CA10: variants seen among roughly 807,000 people sequenced by gnomAD.
CA10 encodes carbonic anhydrase 10 (inactive).
A neutral mutation model predicts 44.2 loss-of-function variants in CA10; 14 were observed. That is an observed-to-expected ratio of 0.32 (90% CI 0.21 to 0.50). The LOEUF is 0.50. CA10 is among the 20% of genes least tolerant of loss of function. CA10 has a pLI of 0.99. For synonymous variants in CA10, 159 were observed against 141.6 expected (o/e 1.12, Z -0.87); for missense variants, 350 against 409.7 (o/e 0.85, Z 1.26).
At chr17:52,030,448 T>C (rs977452849) in intron 2 of CA10, among the ~76,000 whole-genome samples, 1 of 152,136 alleles carries the variant, frequency 6.6e-6, no homozygotes, top group African/African-American at 2.4e-5. Context: ...TTTAGTCCTG[T>C]GGGAATTGAA....
intron 4 of CA10, among the ~76,000 whole-genome samples, chr17:51,701,655 C>T (rs1915607259): frequency 6.6e-6 from 1 of 152,140 alleles, no homozygotes; most frequent in Non-Finnish European, 1.5e-5. Context: ...ATGAAAGTCT[C>T]ATAATAGTTA....
chr17:51,994,613 T>A lies in CA10; in HGVS notation c.137-63481A>T, dbSNP rs138092193. 2.6e-5 allele frequency among the ~76,000 whole-genome samples: 4 copies of A among 152,058 alleles called. No homozygotes were observed. The East Asian group carries it at 7.8e-4, about 30-fold the overall frequency. On this transcript the variant is annotated intron_variant, in intron 2 of 8. Transcript: ENST00000451037. ...TGGAAGTCCAGAAACTTCTCATCAA[T>A]GCTACAGAGATCTGGACTTGAGTAT...
At chr17:51,885,109 C>T (rs1375251829) in intron 3 of CA10, among the ~76,000 whole-genome samples, 2 of 152,208 alleles carry the variant, frequency 1.3e-5, no homozygotes, top group South Asian at 2.1e-4. Flanking sequence ...AATTCAACCC[C>T]TAGCACCATA....
intron 1 of CA10, among the ~76,000 whole-genome samples, chr17:52,137,297 C>T (rs1295430386): frequency 6.6e-6 from 1 of 152,042 alleles, no homozygotes; most frequent in African/African-American, 2.4e-5. Flanking sequence ...TCCATTTCTC[C>T]AGGGTTGATG....
chr17:51,647,091 G>A (rs971329631), intron 6 of CA10, among the ~76,000 whole-genome samples: 2 of 152,080 alleles, frequency 1.3e-5, no homozygotes, highest in Non-Finnish European at 2.9e-5. Context: ...TCTTCTATTT[G>A]CATTTCTAGG....
chr17:52,118,214 C>T (rs2143306586), intron 1 of CA10, among the ~76,000 whole-genome samples: 1 of 152,230 alleles, frequency 6.6e-6, no homozygotes, highest in East Asian at 1.9e-4. Context: ...TAAAATTTGG[C>T]TTTCTCTCCC....
At chr17:51,783,879 G>A (rs1356503314) in intron 3 of CA10, among the ~76,000 whole-genome samples, 2 of 152,090 alleles carry the variant, frequency 1.3e-5, no homozygotes, top group Admixed American at 6.5e-5. Context: ...TGAGCAGACA[G>A]CACAGCAGTT....
intron 2 of CA10, among the ~76,000 whole-genome samples, chr17:51,965,907 G>T (rs1984061752): frequency 6.6e-6 from 1 of 151,952 alleles, no homozygotes; most frequent in South Asian, 2.1e-4. Context: ...ATCCAAATAG[G>T]AAGAAAGGAA....
chr17:52,085,364 C>T (rs541799134), intron 1 of CA10, among the ~76,000 whole-genome samples: 3 of 152,222 alleles, frequency 2.0e-5, no homozygotes, highest in Non-Finnish European at 4.4e-5. Flanking sequence ...TTCCTGTTTA[C>T]AGCAGCACTG....
intron 4 of CA10, 103 bp from the exon 5 acceptor site, chr17:51,653,839 G>T: frequency 1.5e-6 from 1 of 684,348 alleles, no homozygotes; most frequent in East Asian, 2.7e-5. Context: ...AGTATATTGA[G>T]GAACAATTTG....
chr17:51,819,739 G>A (rs753186068), intron 3 of CA10, among the ~76,000 whole-genome samples: 2 of 152,142 alleles, frequency 1.3e-5, no homozygotes, highest in Non-Finnish European at 2.9e-5. Flanking sequence ...TTCCAGCTGG[G>A]CCAGAGCCTA....
At chr17:51,896,452 A>C (rs1452887937) in intron 3 of CA10, among the ~76,000 whole-genome samples, 5 of 152,148 alleles carry the variant, frequency 3.3e-5, no homozygotes, top group Admixed American at 2.6e-4. Context: ...ACCAAGGTGT[A>C]TAAGTACCAC....
At chr17:51,926,946 G>A (rs778484524) in intron 3 of CA10, among the ~76,000 whole-genome samples, 1 of 152,158 alleles carries the variant, frequency 6.6e-6, no homozygotes, top group African/African-American at 2.4e-5. Flanking sequence ...TGGAAAGAGA[G>A]GTTAGAACAT....
At chr17:52,034,232 G>A (rs958498640) in intron 2 of CA10, among the ~76,000 whole-genome samples, 1 of 152,156 alleles carries the variant, frequency 6.6e-6, no homozygotes, top group Non-Finnish European at 1.5e-5. Context: ...AAAGAGAGCA[G>A]AAAGAAACTT....
rs549348199 is a variant in CA10, at chr17:51,743,391, TCTTA to T, written c.465+4238_465+4241del. ...TTAGACATGATTAGCAAGCTAAGGGTCTTACTTATTAAAAACAGTTCATTTTTCC... is the reference window on the plus strand; with the variant it reads ...TTAGACATGATTAGCAAGCTAAGGGTCTTATTAAAAACAGTTCATTTTTCC... On this transcript the variant is annotated intron_variant, in intron 4 of 8. Transcript: ENST00000451037. Among the ~76,000 whole-genome samples the T allele has an allele frequency of 2.6e-3, 400 of 152,300 alleles. 1 individual carries two copies. The highest frequency in any genetic ancestry group is 4.9e-3 in the Non-Finnish European group (331 of 68,030).
intron 1 of CA10, among the ~76,000 whole-genome samples, chr17:52,115,301 C>A (rs1988869438): frequency 6.6e-6 from 1 of 152,232 alleles, no homozygotes; most frequent in East Asian, 1.9e-4. Context: ...GGTCTTGAGA[C>A]AAGACCTAGA....
At chr17:52,024,746 T>C (rs1986247062) in intron 2 of CA10, among the ~76,000 whole-genome samples, 2 of 152,106 alleles carry the variant, frequency 1.3e-5, no homozygotes, top group Admixed American at 6.6e-5. Flanking sequence ...TGAATAATTA[T>C]ATTACAGGCT....
chr17:52,036,153 C>T (rs914325172), intron 2 of CA10, among the ~76,000 whole-genome samples: 3 of 152,048 alleles, frequency 2.0e-5, no homozygotes, highest in Admixed American at 1.3e-4. Flanking sequence ...GGGTGTCCAC[C>T]GTTATAATGT....
intron 2 of CA10, among the ~76,000 whole-genome samples, chr17:51,949,154 C>A (rs1253062735): frequency 6.6e-6 from 1 of 152,028 alleles, no homozygotes; most frequent in African/African-American, 2.4e-5. Context: ...TTCTTCTGCC[C>A]AATATTTAGT....
Sources: gnomAD v4.1 joint callset for allele counts (sites outside exome capture counted in the v4.1 genomes callset) on GRCh38, gnomAD v4.1.1 for gene constraint, MANE v1.5 for transcripts, NCBI Gene and HGNC (gene_info 2026-07-23, HGNC 2026-07-21) for gene names.